SLC12A6: variants seen among roughly 807,000 people sequenced by gnomAD.
The protein encoded by SLC12A6 is K-Cl cotransporter 3.
SLC12A6 carries 66 observed loss-of-function variants against 135.3 expected under a neutral mutation model. The observed-to-expected ratio is 0.49, with a 90% CI of 0.40 to 0.60. The LOEUF is 0.60. Ranked by LOEUF, SLC12A6 falls within the 20% of genes least tolerant of loss-of-function variation. SLC12A6 has a pLI of 0.00. For missense variants in SLC12A6, 1,058 were observed against 1,452.3 expected (o/e 0.73, Z 4.41); for synonymous variants, 513 against 508.8 (o/e 1.01, Z -0.11).
At chr15:34,248,587 C>T (rs1892166822) in intron 13 of SLC12A6, among the ~76,000 whole-genome samples, 1 of 151,908 alleles carries the variant, frequency 6.6e-6, no homozygotes, top group Non-Finnish European at 1.5e-5. Flanking sequence ...CACACACACA[C>T]ACACATATAC....
chr15:34,240,489 A>AT (rs1329449251), intron 19 of SLC12A6, among the ~76,000 whole-genome samples, 172 bp downstream of exon 19: 1 of 152,184 alleles, frequency 6.6e-6, no homozygotes, highest in East Asian at 1.9e-4. Flanking sequence ...ATAAATAACT[A>AT]TTTTTGGCTC....
rs1891683341 is a variant in SLC12A6 at position 34,242,114 on chromosome 15, A to G, written c.2150T>C (p.Ile717Thr). ...MVIAGMIYKY[I>T]EYQGAEKEWG... ...AATCCACACTCACCCTTGGTATTCA[A>G]TGTACTTGTAGATCATACCAGCTAT... The change falls in exon 17 of 26, where the codon ATT becomes ACT. Residue 717 changes from isoleucine (I) to threonine (T), a missense_variant. Physicochemically the swap from Ile to Thr is moderately conservative, Grantham distance 89 (BLOSUM62 -1). Transcript: ENST00000354181. 5 of 1,601,632 alleles carry G rather than the reference A, an allele frequency of 3.1e-6. No individual in the cohort carries two copies. Among genetic ancestry groups the G allele is most frequent in the South Asian group, 1.1e-5 (1 of 90,804 alleles).
At chr15:34,261,164 T>C in intron 3 of SLC12A6, 144 bp from the exon 4 acceptor site, 1 of 649,036 alleles carries the variant, frequency 1.5e-6, no homozygotes, top group Non-Finnish European at 2.8e-6. Context: ...TCAGCACTGC[T>C]TGGAGAATAT....
At chr15:34,235,952 A>G in intron 24 of SLC12A6, 63 bp downstream of exon 24, 1 of 1,280,490 alleles carries the variant, frequency 7.8e-7, no homozygotes. Flanking sequence ...GTGTCCAGGC[A>G]AAGTCACATT....
At chr15:34,282,809 C>G (rs1188414395) in intron 2 of SLC12A6, among the ~76,000 whole-genome samples, 3 of 152,172 alleles carry the variant, frequency 2.0e-5, no homozygotes, top group African/African-American at 4.8e-5. Flanking sequence ...ATTTGTTAAA[C>G]TACAAATTTC....
At chr15:34,271,855 T>C (rs920134034) in intron 3 of SLC12A6, among the ~76,000 whole-genome samples, 18 of 152,224 alleles carry the variant, frequency 1.2e-4, no homozygotes, top group African/African-American at 3.9e-4. Flanking sequence ...AAAGATGTTA[T>C]TACAAATTCA....
At position 34,255,120 on chromosome 15, in the gene SLC12A6, T is replaced by C. The variant is rs1341771740; in HGVS notation, c.876+142A>G. 1.0e-5 allele frequency: 8 copies of C among 766,226 alleles called. No individual in the cohort carries two copies. The African/African-American group carries it at 1.4e-4, about 13-fold the overall frequency. 47.5% of individuals were successfully genotyped at this position (766,226 alleles called of 1,614,324 possible). ...AGAATTTCAACCTTTCCACCTCATA[T>C]TCATGTAAGAGGCCAACTGACGTTG... is the stretch of plus-strand genomic sequence containing the variant. On this transcript the variant is annotated intron_variant, in intron 8 of 25. Transcript: ENST00000354181.
intron 4 of SLC12A6, among the ~76,000 whole-genome samples, chr15:34,259,920 C>T (rs879625230): frequency 3.9e-5 from 6 of 152,032 alleles, no homozygotes; most frequent in Non-Finnish European, 8.8e-5. Context: ...TGGTGGTTAC[C>T]AAAAGCTTGG....
At chr15:34,250,411 G>T in intron 12 of SLC12A6, 56 bp from the exon 13 acceptor site, 1 of 1,083,480 alleles carries the variant, frequency 9.2e-7, no homozygotes, top group Non-Finnish European at 1.4e-6. Context: ...GAGATAGAAA[G>T]TAGACACTCA....
intron 9 of SLC12A6, 143 bp downstream of exon 9, chr15:34,254,205 T>C: frequency 1.2e-6 from 1 of 841,618 alleles, no homozygotes; most frequent in East Asian, 2.4e-5. Context: ...CCTGCCTAGA[T>C]GAGGAAGGAA....
chr15:34,255,719 G>T (rs1396582599), intron 7 of SLC12A6, among the ~76,000 whole-genome samples: 4 of 151,958 alleles, frequency 2.6e-5, no homozygotes, highest in African/African-American at 4.8e-5. Flanking sequence ...GCCTCTAATG[G>T]TAGCACTTTG....
chr15:34,242,807 G>C (rs1015730481), intron 16 of SLC12A6, among the ~76,000 whole-genome samples: 1 of 152,036 alleles, frequency 6.6e-6, no homozygotes, highest in Non-Finnish European at 1.5e-5. Flanking sequence ...GAGGCGGATG[G>C]ATCACAAGGT....
chr15:34,331,476 A>G (rs1889843564), intron 2 of SLC12A6, among the ~76,000 whole-genome samples: 2 of 152,196 alleles, frequency 1.3e-5, no homozygotes, highest in Non-Finnish European at 2.9e-5. Context: ...TAGATCATTC[A>G]TTATGCAGCC....
At chr15:34,330,089 T>A (rs1397042207) in intron 2 of SLC12A6, among the ~76,000 whole-genome samples, 1 of 152,166 alleles carries the variant, frequency 6.6e-6, no homozygotes. Flanking sequence ...ATGTTCAAAT[T>A]TCCCCCACTC....
chr15:34,334,563 T>C (rs550308918), intron 2 of SLC12A6, among the ~76,000 whole-genome samples: 5 of 151,170 alleles, frequency 3.3e-5, no homozygotes, highest in South Asian at 4.2e-4. Context: ...TTTTTAAATA[T>C]AGAAAGAAAA....
intron 23 of SLC12A6, among the ~76,000 whole-genome samples, chr15:34,236,433 C>A (rs1891271261): frequency 6.6e-6 from 1 of 152,084 alleles, no homozygotes; most frequent in Non-Finnish European, 1.5e-5. Context: ...GCAACCTCCG[C>A]CTCCTGGGTT....
chr15:34,280,159 C>T (rs1894579774), intron 2 of SLC12A6, among the ~76,000 whole-genome samples: 1 of 152,166 alleles, frequency 6.6e-6, no homozygotes, highest in Non-Finnish European at 1.5e-5. Flanking sequence ...TTGAGAATCA[C>T]TTTGTTTACC....
At chr15:34,281,105 T>TA (rs1159931997) in intron 2 of SLC12A6, among the ~76,000 whole-genome samples, 3 of 151,894 alleles carry the variant, frequency 2.0e-5, no homozygotes, top group African/African-American at 7.3e-5. Flanking sequence ...TATAGCTAGA[T>TA]AAAAAAAGAG....
At chr15:34,332,982 T>A (rs1430522128) in intron 2 of SLC12A6, among the ~76,000 whole-genome samples, 1 of 152,120 alleles carries the variant, frequency 6.6e-6, no homozygotes, top group Non-Finnish European at 1.5e-5. Flanking sequence ...GATCTACAAA[T>A]AACCATCTCT....
Sources: allele counts gnomAD v4.1 joint callset (sites outside exome capture counted in the v4.1 genomes callset), GRCh38; gene constraint gnomAD v4.1.1; transcripts MANE v1.5; gene names NCBI Gene and HGNC (gene_info 2026-07-23, HGNC 2026-07-21).